Variants in PLB1 observed in about 807,000 individuals in gnomAD.
PLB1 encodes the protein phospholipase B1.
A neutral mutation model predicts 227.4 loss-of-function variants in PLB1; 242 were observed. The observed-to-expected ratio is 1.06, with a 90% CI of 0.96 to 1.18. The LOEUF is 1.18. Among genes scored for constraint, PLB1 ranks in the 50% most tolerant of loss-of-function variants. The probability of loss-of-function intolerance (pLI) is 0.00; values close to 1 mark genes in which losing one functional copy is unlikely to be tolerated. For missense variants in PLB1, 1,858 were observed against 1,816.3 expected (o/e 1.02, Z -0.42); for synonymous variants, 757 against 682.2 (o/e 1.11, Z -1.71).
At chr2:28,614,860 A>G (rs1453592396) in intron 44 of PLB1, among the ~76,000 whole-genome samples, 1 of 152,234 alleles carries the variant, frequency 6.6e-6, no homozygotes, top group Non-Finnish European at 1.5e-5. Context: ...AGCACATACT[A>G]TGTGCCAGAC....
intron 44 of PLB1, 51 bp downstream of exon 44, chr2:28,614,147 G>GC (rs1368377243): frequency 3.3e-6 from 5 of 1,504,346 alleles, no homozygotes; most frequent in Non-Finnish European, 4.6e-6. Flanking sequence ...ATTTCCACCT[G>GC]CCAGGGGCTC....
At position 28,529,385 on chromosome 2, in the gene PLB1, G is replaced by T. The variant is rs1361260257; in HGVS notation, c.394G>T (p.Val132Phe). 6.2e-7 allele frequency: 1 copy of T among 1,606,902 alleles called. No individual in the cohort carries two copies. The highest frequency in any genetic ancestry group is 1.3e-5 in the African/African-American group (1 of 74,746). ...PMPVCHTGKR[V>F]IPHDGAEDLW... ...GCCTGTGTGCCACACTGGAAAGAGA[G>T]TCATACCCCACGATGGTGCTGAGTA... Residue 132 changes from valine to phenylalanine, a missense_variant, in exon 7 of 58, where the codon GTC becomes TTC. By Grantham distance (50) the Val-to-Phe change is conservative (BLOSUM62 -1). Transcript: ENST00000327757.
At chr2:28,587,797 G>A (rs1558841385) in intron 26 of PLB1, among the ~76,000 whole-genome samples, 2 of 152,190 alleles carry the variant, frequency 1.3e-5, no homozygotes, top group Non-Finnish European at 1.5e-5. Context: ...CTGCAAGAGC[G>A]GTTAGGAAAG....
Position 28,643,003 on chromosome 2 carries a change from G to A in PLB1, c.4319G>A (p.Cys1440Tyr). ...VGIIGTVVWR[C>Y]RRGGRREDPP... is the part of the protein sequence containing the mutation. Reference sequence around the variant, plus strand: ...ATCATCGGGACAGTGGTCTGGAGGTGCAGGAGAGGTGGCCGGAGGGAAGAT... The same window carrying A: ...ATCATCGGGACAGTGGTCTGGAGGTACAGGAGAGGTGGCCGGAGGGAAGAT... The change falls in exon 58 of 58, where the codon TGC becomes TAC. Residue 1440 changes from cysteine (C) to tyrosine (Y), a missense_variant. Cys to Tyr is a radical substitution (Grantham distance 194). Transcript: ENST00000327757. 2 of 1,611,228 alleles carry A rather than the reference G, an allele frequency of 1.2e-6. No homozygotes were observed. Among genetic ancestry groups the A allele is most frequent in the African/African-American group, 1.3e-5 (1 of 75,036 alleles).
chr2:28,569,302 A>G (rs770494224), intron 20 of PLB1, among the ~76,000 whole-genome samples: 2 of 152,162 alleles, frequency 1.3e-5, no homozygotes, highest in African/African-American at 2.4e-5. Context: ...ACTTTGTTTT[A>G]TTTCTAATTC....
chr2:28,590,592 T>C (rs977495079), intron 29 of PLB1, among the ~76,000 whole-genome samples: 3 of 152,122 alleles, frequency 2.0e-5, no homozygotes, highest in Non-Finnish European at 2.9e-5. Context: ...AGAAAGATTC[T>C]TGGAGCTCTG....
At position 28,591,029 on chromosome 2, in the gene PLB1, A is replaced by C. The variant is rs577031480; in HGVS notation, c.2089-104A>C. The stretch of plus-strand genomic sequence containing the variant: ...AGAGGCTGGGCTTGGGACACAGGGC[A>C]GGCAGGCCGCAGCTGTTTGTGCCAG... On this transcript the variant is annotated intron_variant, in intron 29 of 57. Transcript: ENST00000327757. 90 of 1,421,284 alleles carry C rather than the reference A, an allele frequency of 6.3e-5. No homozygotes were observed. In the South Asian group the frequency reaches 8.5e-4, roughly 13 times the overall value. 88.0% of individuals were successfully genotyped at this position (1,421,284 alleles called of 1,614,324 possible).
chr2:28,609,405 G>A (rs549986644), intron 43 of PLB1, among the ~76,000 whole-genome samples: 1 of 151,946 alleles, frequency 6.6e-6, no homozygotes, highest in African/African-American at 2.4e-5. Context: ...TGCTCTATCT[G>A]GTATAAGGTT....
chr2:28,639,320 G>C (rs1006384993), intron 56 of PLB1, among the ~76,000 whole-genome samples: 1 of 144,296 alleles, frequency 6.9e-6, no homozygotes, highest in Non-Finnish European at 1.5e-5. Flanking sequence ...GAGAAGCCAA[G>C]CAAGTTGAAG....
At chr2:28,566,268 A>G (rs566977165) in intron 19 of PLB1, among the ~76,000 whole-genome samples, 49 of 152,222 alleles carry the variant, frequency 3.2e-4, no homozygotes, top group African/African-American at 1.1e-3. Context: ...GTGGAAAAGC[A>G]GGGAATCCAA....
At chr2:28,574,384 CTT>C (rs70956023) in intron 21 of PLB1, among the ~76,000 whole-genome samples, 2 of 73,988 alleles carry the variant, frequency 2.7e-5, no homozygotes, top group East Asian at 3.5e-4. Flanking sequence ...TTATATCATT[CTT>C]TTTTTTTTTT....
chr2:28,555,231 C>A (rs1674881005), intron 17 of PLB1, among the ~76,000 whole-genome samples: 1 of 150,308 alleles, frequency 6.7e-6, no homozygotes, highest in African/African-American at 2.5e-5. Flanking sequence ...AACCTCCACC[C>A]CCTGGGTTCA....
chr2:28,588,044 T>C (rs1293413614), intron 26 of PLB1, among the ~76,000 whole-genome samples: 2 of 152,200 alleles, frequency 1.3e-5, no homozygotes, highest in Non-Finnish European at 2.9e-5. Context: ...CAGCCGTGTG[T>C]GGCCATCATG....
intron 19 of PLB1, 100 bp from the exon 20 acceptor site, chr2:28,566,696 G>T: frequency 1.5e-6 from 2 of 1,329,128 alleles, no homozygotes; most frequent in Admixed American, 1.7e-5. Context: ...AGGCCCCCGG[G>T]CTGTTTCTCG....
intron 17 of PLB1, among the ~76,000 whole-genome samples, chr2:28,554,489 C>CTTTTTT (rs536476788): frequency 0.013 from 1,108 of 85,184 alleles, 101 homozygotes; most frequent in East Asian, 0.049. Context: ...CCACACCTGC[C>CTTTTTT]TTTTTTTTTT....
intron 52 of PLB1, 41 bp downstream of exon 52, chr2:28,628,669 C>A: frequency 6.3e-7 from 1 of 1,592,538 alleles, no homozygotes; most frequent in Non-Finnish European, 8.6e-7. Flanking sequence ...CGCCAGCCAC[C>A]TCCCTGGGAT....
intron 17 of PLB1, among the ~76,000 whole-genome samples, chr2:28,562,696 C>T (rs1361169273): frequency 6.6e-6 from 1 of 151,856 alleles, no homozygotes; most frequent in African/African-American, 2.4e-5. Flanking sequence ...CAATTTCTTC[C>T]CTCCTCCCAA....
At position 28,570,404 on chromosome 2, in the gene PLB1, G is replaced by A. The variant is rs1335194188; in HGVS notation, c.1325-2793G>A. On this transcript the variant is annotated intron_variant, in intron 20 of 57. Transcript: ENST00000327757. ...ATTAATGTAATATTCTATGTCAATA[G>A]GATAAAAGACCAAAACCACACATCA... Among the ~76,000 whole-genome samples the A allele has an allele frequency of 2.0e-5, 3 of 152,146 alleles. No homozygotes were observed. The East Asian group carries it at 5.8e-4, about 29-fold the overall frequency.
At chr2:28,575,256 A>AC (rs1678737513) in intron 21 of PLB1, among the ~76,000 whole-genome samples, 1 of 152,084 alleles carries the variant, frequency 6.6e-6, no homozygotes, top group South Asian at 2.1e-4. Context: ...CATTTCCCTG[A>AC]CACTTTTGTT....
Sources: gnomAD v4.1 joint callset for allele counts (sites outside exome capture counted in the v4.1 genomes callset) on GRCh38, gnomAD v4.1.1 for gene constraint, MANE v1.5 for transcripts, NCBI Gene and HGNC (gene_info 2026-07-23, HGNC 2026-07-21) for gene names.